The following CACNB2 variants were observed in gnomAD, a reference collection of about 807,000 sequenced individuals.
The protein encoded by CACNB2 is calcium voltage-gated channel auxiliary subunit beta 2.
A neutral mutation model predicts 73.3 loss-of-function variants in CACNB2; 42 were observed. That is an observed-to-expected ratio of 0.57 (90% CI 0.45 to 0.74). The LOEUF (loss-of-function observed/expected upper bound fraction) is 0.74. Among genes scored for constraint, CACNB2 ranks in the 30% least tolerant of loss-of-function variants. The pLI, the probability that CACNB2 is intolerant of heterozygous loss-of-function variation, is 0.00. For missense variants in CACNB2, 940 were observed against 853.0 expected, an observed-to-expected ratio of 1.10 and a Z score of -1.27; for synonymous variants, 348 against 310.3, an observed-to-expected ratio of 1.12 and a Z score of -1.28.
chr10:18,507,107 C>T (rs1369752079), intron 6 of CACNB2, among the ~76,000 whole-genome samples: 11 of 152,152 alleles, frequency 7.2e-5, no homozygotes, highest in Non-Finnish European at 1.6e-4. Context: ...CCATATTAAC[C>T]TTTAATCCCT....
intron 2 of CACNB2, among the ~76,000 whole-genome samples, chr10:18,282,812 T>A (rs1227841306): frequency 6.6e-6 from 1 of 152,020 alleles, no homozygotes; most frequent in African/African-American, 2.4e-5. Context: ...AGGAAAGAGG[T>A]TGTTGACAAA....
At chr10:18,156,566 G>A (rs994100984) in intron 2 of CACNB2, among the ~76,000 whole-genome samples, 1 of 152,218 alleles carries the variant, frequency 6.6e-6, no homozygotes, top group Admixed American at 6.5e-5. Context: ...GTGCGTGGCA[G>A]ATGTTAGTGG....
At chr10:18,427,344 T>G (rs1274132879) in intron 3 of CACNB2, among the ~76,000 whole-genome samples, 1 of 152,138 alleles carries the variant, frequency 6.6e-6, no homozygotes, top group Non-Finnish European at 1.5e-5. Flanking sequence ...AACATCACCT[T>G]TTTTTAACAT....
At chr10:18,374,073 T>A (rs1325991) in intron 2 of CACNB2, among the ~76,000 whole-genome samples, 43,756 of 152,072 alleles carry the variant, frequency 0.29, 6,793 homozygotes, top group East Asian at 0.66. Flanking sequence ...CAGGGATAGA[T>A]AGAATGGTAG....
intron 2 of CACNB2, among the ~76,000 whole-genome samples, chr10:18,239,249 G>T (rs2036559717): frequency 2.0e-5 from 3 of 152,110 alleles, no homozygotes; most frequent in Admixed American, 2.0e-4. Flanking sequence ...TAGGCTTTTA[G>T]TGTAACCATC....
intron 3 of CACNB2, among the ~76,000 whole-genome samples, chr10:18,418,387 G>A (rs558443131): frequency 6.6e-5 from 10 of 152,160 alleles, no homozygotes; most frequent in African/African-American, 2.4e-4. Context: ...TGTTTATTCT[G>A]ATTTCCTACT....
chr10:18,420,414 G>A lies in CACNB2; in HGVS notation c.333+18371G>A, dbSNP rs143169066. ...GATTATGGAAGCTAAGAAATCCCATGATCTGATCTGCCAACTGTAACTGGG... is the reference window on the plus strand; with the variant it reads ...GATTATGGAAGCTAAGAAATCCCATAATCTGATCTGCCAACTGTAACTGGG... On this transcript the variant is annotated intron_variant, in intron 3 of 13. Transcript: ENST00000324631. Among the ~76,000 whole-genome samples, 16 of 152,140 alleles carry A rather than the reference G, an allele frequency of 1.1e-4. No individual in the cohort carries two copies. In the East Asian group the frequency reaches 3.1e-3, roughly 29 times the overall value.
intron 2 of CACNB2, among the ~76,000 whole-genome samples, chr10:18,250,402 C>T (rs937258027): frequency 1.3e-5 from 2 of 152,206 alleles, no homozygotes; most frequent in African/African-American, 4.8e-5. Context: ...TGTGTTCCTG[C>T]CTCAGGGCAT....
chr10:18,513,921 A>G (rs960154776), intron 6 of CACNB2, among the ~76,000 whole-genome samples: 34 of 152,258 alleles, frequency 2.2e-4, no homozygotes, highest in African/African-American at 8.0e-4. Flanking sequence ...ACTTTTATAC[A>G]GTTGATACAG....
At chr10:18,419,194 A>T (rs999797509) in intron 3 of CACNB2, among the ~76,000 whole-genome samples, 3 of 152,230 alleles carry the variant, frequency 2.0e-5, no homozygotes, top group African/African-American at 7.2e-5. Context: ...CTCTGAGCGT[A>T]CTGTGACTTG....
chr10:18,441,414 A>G lies in CACNB2; in HGVS notation c.333+39371A>G, dbSNP rs572414075. Among the ~76,000 whole-genome samples the G allele has an allele frequency of 2.0e-5, 3 of 152,248 alleles. No homozygotes were observed. In the South Asian group the frequency reaches 6.2e-4, roughly 32 times the overall value. ...GCAAGATTCCATCTCAAAAAAATAAATAACCATCCAAAAACTGAACTATAC... is the reference window on the plus strand; with the variant it reads ...GCAAGATTCCATCTCAAAAAAATAAGTAACCATCCAAAAACTGAACTATAC... On this transcript the variant is annotated intron_variant, in intron 3 of 13. Transcript: ENST00000324631.
intron 2 of CACNB2, among the ~76,000 whole-genome samples, chr10:18,204,430 C>A (rs2035010582): frequency 6.6e-6 from 1 of 152,218 alleles, no homozygotes; most frequent in Non-Finnish European, 1.5e-5. Flanking sequence ...CTTTGTTAAC[C>A]AGGCTATTTG....
At chr10:18,472,272 T>C (rs1288654650) in intron 3 of CACNB2, among the ~76,000 whole-genome samples, 2 of 133,600 alleles carry the variant, frequency 1.5e-5, no homozygotes, top group Non-Finnish European at 3.1e-5. Context: ...AGTCTCGCTC[T>C]GTCACCCAGG....
In CACNB2 at chr10:18,260,391, G is replaced by A. The variant is rs150523331; in HGVS notation, c.213+109416G>A. Reference sequence around the variant, plus strand: ...ATGAGGTCTGAGTCGGATCAAATTCGCCTTCCAGAGTTATGTTTATTTAAC... The same window carrying A: ...ATGAGGTCTGAGTCGGATCAAATTCACCTTCCAGAGTTATGTTTATTTAAC... On this transcript the variant is annotated intron_variant, in intron 2 of 13. Coordinates refer to ENST00000324631, the MANE Select transcript of CACNB2 (RefSeq NM_201596.3). 1.1e-4 allele frequency: 108 copies of A among 974,550 alleles called. 1 individual carries two copies. In the African/African-American group the frequency reaches 1.5e-3, roughly 14 times the overall value. 60.4% of individuals were successfully genotyped at this position (974,550 alleles called of 1,614,324 possible).
chr10:18,177,842 AAGG>A (rs1473744170), intron 2 of CACNB2, among the ~76,000 whole-genome samples: 2 of 152,194 alleles, frequency 1.3e-5, no homozygotes, highest in Non-Finnish European at 1.5e-5. Flanking sequence ...TGGGAACAAA[AAGG>A]AAGGCAGTTT....
chr10:18,220,236 GA>G (rs2035724252), intron 2 of CACNB2, among the ~76,000 whole-genome samples: 2 of 46,136 alleles, frequency 4.3e-5, no homozygotes, highest in African/African-American at 2.5e-4. Context: ...TATATATAGA[GA>G]GAGAGAGAGA....
At chr10:18,418,967 A>G (rs1318744788) in intron 3 of CACNB2, among the ~76,000 whole-genome samples, 1 of 152,220 alleles carries the variant, frequency 6.6e-6, no homozygotes, top group East Asian at 1.9e-4. Flanking sequence ...TGAATGAAAT[A>G]TTTATTGGAT....
At chr10:18,378,769 G>A (rs1405089160) in intron 2 of CACNB2, among the ~76,000 whole-genome samples, 3 of 152,274 alleles carry the variant, frequency 2.0e-5, no homozygotes, top group Admixed American at 2.0e-4. Context: ...CTCCACGGTG[G>A]CCTGACGGTT....
chr10:18,401,176 A>G, intron 2 of CACNB2: 2 of 1,558,356 alleles, frequency 1.3e-6, no homozygotes, highest in South Asian at 1.1e-5. Context: ...GAGTGCAGGT[A>G]GAGAGGGTGG....
Sources: allele counts gnomAD v4.1 joint callset (sites outside exome capture counted in the v4.1 genomes callset), GRCh38; gene constraint gnomAD v4.1.1; transcripts MANE v1.5; gene names NCBI Gene and HGNC (gene_info 2026-07-23, HGNC 2026-07-21).